CDK6: variants seen among roughly 807,000 people sequenced by gnomAD.
The protein encoded by CDK6 is cyclin dependent kinase 6, also known as cyclin-dependent kinase 6.
A neutral mutation model predicts 37.1 loss-of-function variants in CDK6; 6 were observed. The observed-to-expected ratio is 0.16, with a 90% CI of 0.09 to 0.32. The LOEUF (loss-of-function observed/expected upper bound fraction) is 0.32, where lower values mean the gene tolerates loss of function less well. Ranked by LOEUF, CDK6 falls within the 10% of genes least tolerant of loss-of-function variation. CDK6 has a pLI of 1.00. For synonymous variants in CDK6, 160 were observed against 161.3 expected, an observed-to-expected ratio of 0.99 and a Z score of 0.06; for missense variants, 224 against 418.9, an observed-to-expected ratio of 0.53 and a Z score of 4.06.
chr7:92,786,475 G>GA (rs1229790326), intron 2 of CDK6, among the ~76,000 whole-genome samples: 1 of 152,044 alleles, frequency 6.6e-6, no homozygotes, highest in East Asian at 1.9e-4. Context: ...AAACCTCAGT[G>GA]AAACACTAAA....
chr7:92,778,090 C>T (rs118097572), intron 2 of CDK6, among the ~76,000 whole-genome samples: 5 of 120,772 alleles, frequency 4.1e-5, no homozygotes, highest in East Asian at 2.9e-4. Context: ...TTAAAGGAAA[C>T]GAAAAAAAAA....
intron 2 of CDK6, among the ~76,000 whole-genome samples, chr7:92,809,163 T>C (rs2115932723): frequency 6.6e-6 from 1 of 152,324 alleles, no homozygotes; most frequent in Non-Finnish European, 1.5e-5. Context: ...TAAAATGGTT[T>C]TTAAATTGTT....
chr7:92,706,959 A>C (rs1452718042), intron 4 of CDK6, among the ~76,000 whole-genome samples: 1 of 152,218 alleles, frequency 6.6e-6, no homozygotes, highest in East Asian at 1.9e-4. Flanking sequence ...TCTTCAGCAT[A>C]ATCATTTCAG....
intron 3 of CDK6, among the ~76,000 whole-genome samples, chr7:92,750,015 G>A (rs1487015242): frequency 6.6e-6 from 1 of 152,072 alleles, no homozygotes; most frequent in Non-Finnish European, 1.5e-5. Flanking sequence ...CTGATTCTGG[G>A]GTAGGTCAGT....
At chr7:92,721,691 GGA>G (rs1333075770) in intron 4 of CDK6, among the ~76,000 whole-genome samples, 2 of 152,114 alleles carry the variant, frequency 1.3e-5, no homozygotes, top group Non-Finnish European at 2.9e-5. Context: ...TATCAGATGA[GGA>G]CAAGATAAGT....
intron 5 of CDK6, 32 bp downstream of exon 5, chr7:92,671,394 G>T (rs755734534): frequency 1.5e-6 from 2 of 1,360,218 alleles, no homozygotes; most frequent in Admixed American, 2.1e-5. Flanking sequence ...TCTTTTCAAG[G>T]AAAGCAGAGT....
intron 5 of CDK6, among the ~76,000 whole-genome samples, chr7:92,630,968 C>T (rs1231576470): frequency 1.3e-5 from 2 of 152,126 alleles, no homozygotes; most frequent in Non-Finnish European, 2.9e-5. Context: ...TTATCAATTG[C>T]CTTCACTCTG....
At chr7:92,736,833 A>G (rs1798799938) in intron 3 of CDK6, among the ~76,000 whole-genome samples, 1 of 152,244 alleles carries the variant, frequency 6.6e-6, no homozygotes, top group South Asian at 2.1e-4. Context: ...TATTCTGAAC[A>G]TATGATAGAG....
At chr7:92,788,789 T>C (rs184454494) in intron 2 of CDK6, among the ~76,000 whole-genome samples, 5 of 152,040 alleles carry the variant, frequency 3.3e-5, no homozygotes, top group Non-Finnish European at 7.4e-5. Flanking sequence ...TCAGAAACTA[T>C]GGAGGGCAGA....
chr7:92,645,060 G>T (rs1260012153), intron 5 of CDK6, among the ~76,000 whole-genome samples: 1 of 152,156 alleles, frequency 6.6e-6, no homozygotes, highest in Admixed American at 6.5e-5. Context: ...ACCCCCACAC[G>T]CAAAAGCTCT....
Position 92,606,017 on chromosome 7 carries a change from G to A in CDK6, c.*9123C>T, listed in dbSNP as rs969663534. On this transcript the variant is annotated 3_prime_UTR_variant, in exon 8 of 8. Transcript: ENST00000424848. Reference sequence around the variant, plus strand: ...TCAAAGCACCAAAACAGAGCATTCTGTAGCAATATAAGCAAACGGAATAAG... The same window carrying A: ...TCAAAGCACCAAAACAGAGCATTCTATAGCAATATAAGCAAACGGAATAAG... 54 of 233,560 alleles carry A rather than the reference G, an allele frequency of 2.3e-4. 1 individual carries two copies. Among genetic ancestry groups the A allele is most frequent in the Non-Finnish European group, 4.4e-4 (52 of 118,030 alleles). The allele number at this position is 233,560 out of a possible 1,614,324, so 14.5% of individuals were successfully genotyped here. A position where few individuals can be genotyped will look rare whatever the true frequency, so the allele number is the denominator to read the frequency against.
intron 6 of CDK6, among the ~76,000 whole-genome samples, chr7:92,622,623 C>A: frequency 6.6e-6 from 1 of 152,074 alleles, no homozygotes; most frequent in South Asian, 2.1e-4. Context: ...CAAAACAACG[C>A]AGAACCAACC....
intron 2 of CDK6, among the ~76,000 whole-genome samples, chr7:92,811,996 C>T (rs1036113398): frequency 6.6e-6 from 1 of 151,968 alleles, no homozygotes; most frequent in Non-Finnish European, 1.5e-5. Flanking sequence ...ACTAAAAATA[C>T]AAAAATTAGC....
intron 4 of CDK6, among the ~76,000 whole-genome samples, chr7:92,715,348 T>C (rs907756705): frequency 6.6e-6 from 1 of 152,188 alleles, no homozygotes; most frequent in African/African-American, 2.4e-5. Flanking sequence ...TACAGCCCCA[T>C]TTTTAGATTC....
At chr7:92,659,161 G>A (rs1282271206) in intron 5 of CDK6, among the ~76,000 whole-genome samples, 3 of 152,200 alleles carry the variant, frequency 2.0e-5, no homozygotes, top group Admixed American at 2.0e-4. Flanking sequence ...TAAATGGCAA[G>A]TTGTCTCTGT....
chr7:92,823,075 C>G (rs771090096), intron 2 of CDK6, among the ~76,000 whole-genome samples: 3 of 151,242 alleles, frequency 2.0e-5, no homozygotes, highest in Non-Finnish European at 4.4e-5. Flanking sequence ...GGATTCACCT[C>G]TTACTTTTAT....
intron 5 of CDK6, among the ~76,000 whole-genome samples, chr7:92,638,382 T>C (rs1796224059): frequency 6.6e-6 from 1 of 152,248 alleles, no homozygotes; most frequent in Non-Finnish European, 1.5e-5. Flanking sequence ...AACGTTTCAC[T>C]GTCTCATGTC....
intron 4 of CDK6, among the ~76,000 whole-genome samples, chr7:92,679,812 C>T (rs1797291313): frequency 6.6e-6 from 1 of 150,896 alleles, no homozygotes; most frequent in Non-Finnish European, 1.5e-5. Context: ...CCTCGGTCTC[C>T]CGGGTTCAAG....
At chr7:92,751,866 G>C (rs759444511) in intron 3 of CDK6, among the ~76,000 whole-genome samples, 1 of 151,920 alleles carries the variant, frequency 6.6e-6, no homozygotes, top group South Asian at 2.1e-4. Flanking sequence ...CACTTAAGAG[G>C]ATTATAATAA....
Sources: allele counts gnomAD v4.1 joint callset (sites outside exome capture counted in the v4.1 genomes callset), GRCh38; gene constraint gnomAD v4.1.1; transcripts MANE v1.5; gene names NCBI Gene and HGNC (gene_info 2026-07-23, HGNC 2026-07-21).